Variants in ANO3 observed in about 807,000 individuals in gnomAD.
ANO3 encodes anoctamin-3.
A neutral mutation model predicts 144.8 loss-of-function variants in ANO3; 99 were observed. The observed-to-expected ratio is 0.68, with a 90% CI of 0.58 to 0.81. The LOEUF is 0.81. Ranked by LOEUF, ANO3 falls within the 30% of genes least tolerant of loss-of-function variation. The pLI is 0.00. For synonymous variants in ANO3, 414 were observed against 392.6 expected, an observed-to-expected ratio of 1.05 and a Z score of -0.64; for missense variants, 905 against 1,202.2, an observed-to-expected ratio of 0.75 and a Z score of 3.66.
chr11:26,243,830 G>GA (rs1417945409), intron 1 of ANO3, among the ~76,000 whole-genome samples: 1 of 152,040 alleles, frequency 6.6e-6, no homozygotes, highest in East Asian at 1.9e-4. Flanking sequence ...TGTTGTTTTT[G>GA]AAAAAATGAG....
At chr11:26,191,816 G>A (rs1420025918) in intron 1 of ANO3, among the ~76,000 whole-genome samples, 1 of 151,892 alleles carries the variant, frequency 6.6e-6, no homozygotes, top group East Asian at 1.9e-4. Context: ...TGTGTAAAGG[G>A]ATTTTTTTTC....
chr11:26,335,035 A>C (rs1384816852), intron 1 of ANO3, among the ~76,000 whole-genome samples: 2 of 152,170 alleles, frequency 1.3e-5, no homozygotes, highest in Admixed American at 6.5e-5. Flanking sequence ...GGTAAGTATA[A>C]GTATAGTATA....
At chr11:26,555,323 G>A (rs1850053342) in intron 13 of ANO3, among the ~76,000 whole-genome samples, 1 of 152,018 alleles carries the variant, frequency 6.6e-6, no homozygotes, top group African/African-American at 2.4e-5. Context: ...AAACAGCCTA[G>A]GAATGCCAAA....
At chr11:26,324,650 G>C (rs1854840259) in intron 1 of ANO3, among the ~76,000 whole-genome samples, 1 of 152,166 alleles carries the variant, frequency 6.6e-6, no homozygotes, top group African/African-American at 2.4e-5. Flanking sequence ...TATATATAGT[G>C]AACACTTTAT....
intron 1 of ANO3, among the ~76,000 whole-genome samples, chr11:26,363,924 A>G (rs1321394080): frequency 6.6e-6 from 1 of 152,170 alleles, no homozygotes; most frequent in African/African-American, 2.4e-5. Flanking sequence ...TGTCTTTTCA[A>G]AGTTTTTCAA....
chr11:26,203,507 A>T (rs547739059), intron 1 of ANO3, among the ~76,000 whole-genome samples: 4 of 152,076 alleles, frequency 2.6e-5, no homozygotes, highest in Non-Finnish European at 5.9e-5. Context: ...TTACACAAAG[A>T]TCAATAAACT....
At chr11:26,657,732 G>T (rs925486908) in intron 26 of ANO3, among the ~76,000 whole-genome samples, 1 of 151,896 alleles carries the variant, frequency 6.6e-6, no homozygotes, top group Admixed American at 6.6e-5. Flanking sequence ...TACTTCAATG[G>T]TATTGTTTCA....
chr11:26,363,584 T>C lies in ANO3; in HGVS notation c.46+31263T>C, dbSNP rs1039857773. On this transcript the variant is annotated intron_variant, in intron 1 of 26. Transcript: ENST00000256737. ...AACCTCATTTAACCAAAAATGCCTC[T>C]TTAAAGGGCATATCTCCAAGTAGAG... Among the ~76,000 whole-genome samples, 12 of 152,148 alleles carry C rather than the reference T, an allele frequency of 7.9e-5. 1 individual carries two copies. Among genetic ancestry groups the C allele is most frequent in the African/African-American group, 2.2e-4 (9 of 41,442 alleles).
At chr11:26,567,243 A>T in intron 14 of ANO3, 1 of 727,358 alleles carries the variant, frequency 1.4e-6, no homozygotes, top group Non-Finnish European at 2.0e-6. Context: ...CTTTAAAAAA[A>T]TAGACTTTTT....
At position 26,639,127 on chromosome 11, in the gene ANO3, C is replaced by T; in HGVS notation, c.2044-17C>T. The T allele has an allele frequency of 6.5e-7, 1 of 1,550,334 alleles. No individual in the cohort carries two copies. The highest frequency in any genetic ancestry group is 1.4e-5 in the African/African-American group (1 of 73,798). On this transcript the variant is annotated splice_polypyrimidine_tract_variant and intron_variant, in intron 20 of 26. Coordinates refer to ENST00000256737, the MANE Select transcript of ANO3 (RefSeq NM_031418.4). ...GAAGAAGACCAATATCATTATTGCT[C>T]TTATGTTCTATTTCAGTGTCATCCT...
chr11:26,565,943 G>C, intron 14 of ANO3: 1 of 1,449,128 alleles, frequency 6.9e-7, no homozygotes, highest in Non-Finnish European at 9.2e-7. Flanking sequence ...AAAATACTCT[G>C]AGTTTTTAAA....
chr11:26,541,523 C>A (rs1231572927), intron 10 of ANO3, among the ~76,000 whole-genome samples: 1 of 152,018 alleles, frequency 6.6e-6, no homozygotes, highest in African/African-American at 2.4e-5. Flanking sequence ...TTACTCTCTT[C>A]CTTAGCTTAT....
intron 1 of ANO3, among the ~76,000 whole-genome samples, chr11:26,338,389 C>T (rs570417249): frequency 2.4e-4 from 36 of 152,254 alleles, no homozygotes; most frequent in Admixed American, 8.5e-4. Context: ...GGATTATAAA[C>T]GCAGCAATCA....
intron 1 of ANO3, among the ~76,000 whole-genome samples, chr11:26,302,214 T>C (rs1455174499): frequency 6.6e-6 from 1 of 152,070 alleles, no homozygotes. Flanking sequence ...AGAAAAATGA[T>C]GGCCAGGTGC....
intron 1 of ANO3, among the ~76,000 whole-genome samples, chr11:26,323,616 G>T (rs879863964): frequency 1.6e-4 from 25 of 152,134 alleles, no homozygotes; most frequent in Non-Finnish European, 2.8e-4. Context: ...CTCAGAGGAA[G>T]TACAGACTCA....
At chr11:26,208,570 C>G (rs1851866532) in intron 1 of ANO3, among the ~76,000 whole-genome samples, 1 of 151,360 alleles carries the variant, frequency 6.6e-6, no homozygotes, top group Non-Finnish European at 1.5e-5. Flanking sequence ...TAGCAAATAT[C>G]AAGGCTTTTG....
chr11:26,241,986 A>C (rs191841187), intron 1 of ANO3, among the ~76,000 whole-genome samples: 1 of 152,354 alleles, frequency 6.6e-6, no homozygotes, highest in African/African-American at 2.4e-5. Flanking sequence ...TTTCAAGGAA[A>C]GTAACAGAGA....
At chr11:26,424,578 C>G (rs900264930) in intron 1 of ANO3, among the ~76,000 whole-genome samples, 2 of 152,036 alleles carry the variant, frequency 1.3e-5, no homozygotes, top group Non-Finnish European at 2.9e-5. Context: ...CTTGTTCCCC[C>G]CAAAACTCCA....
At chr11:26,207,424 A>G (rs1169823331) in intron 1 of ANO3, among the ~76,000 whole-genome samples, 1 of 152,146 alleles carries the variant, frequency 6.6e-6, no homozygotes, top group African/African-American at 2.4e-5. Context: ...ACGGGTTTGC[A>G]TTCACATATT....
Sources: gnomAD v4.1 joint callset for allele counts (sites outside exome capture counted in the v4.1 genomes callset) on GRCh38, gnomAD v4.1.1 for gene constraint, MANE v1.5 for transcripts, NCBI Gene and HGNC (gene_info 2026-07-23, HGNC 2026-07-21) for gene names.